Variants in GAD1 observed in about 807,000 individuals in gnomAD.
GAD1 encodes the protein 67 kDa glutamic acid decarboxylase.
GAD1 carries 35 observed loss-of-function variants against 75.2 expected under a neutral mutation model. The ratio of observed to expected loss-of-function variants is 0.47; its 90% CI spans 0.36 to 0.62. The LOEUF (loss-of-function observed/expected upper bound fraction) is 0.62. GAD1 is among the 20% of genes least tolerant of loss of function. The pLI is 0.00. For synonymous variants in GAD1, 257 were observed against 271.9 expected (o/e 0.95, Z 0.54); for missense variants, 490 against 758.5 (o/e 0.65, Z 4.16).
intron 3 of GAD1, among the ~76,000 whole-genome samples, chr2:170,823,798 C>T (rs1240150597): frequency 6.6e-6 from 1 of 151,578 alleles, no homozygotes; most frequent in Non-Finnish European, 1.5e-5. Context: ...CCCTGGGCAG[C>T]CGAGGACAGG....
intron 6 of GAD1, among the ~76,000 whole-genome samples, chr2:170,837,909 G>A (rs894664086): frequency 1.3e-5 from 2 of 152,170 alleles, no homozygotes; most frequent in African/African-American, 4.8e-5. Flanking sequence ...GTAAATTACT[G>A]AAGTTTAAGG....
intron 7 of GAD1, among the ~76,000 whole-genome samples, chr2:170,844,838 A>T: frequency 6.6e-6 from 1 of 152,246 alleles, no homozygotes; most frequent in East Asian, 1.9e-4. Flanking sequence ...GCAGTTATCT[A>T]GGTAATTCAA....
At chr2:170,855,705 T>C (rs906966612) in intron 14 of GAD1, among the ~76,000 whole-genome samples, 1 of 151,402 alleles carries the variant, frequency 6.6e-6, no homozygotes, top group African/African-American at 2.4e-5. Flanking sequence ...TAAGACCCCA[T>C]CTCTACAAAA....
At chr2:170,817,225 AC>A (rs3049870) in intron 1 of GAD1, 177 bp downstream of exon 1, 5,206 of 15,512 alleles carry the variant, frequency 0.34, 979 homozygotes, top group East Asian at 0.53. Context: ...CTGCGCAGGG[AC>A]CCCCCCCCCC....
intron 13 of GAD1, 37 bp downstream of exon 13, chr2:170,852,829 C>G (rs761101582): frequency 3.2e-6 from 5 of 1,578,962 alleles, no homozygotes; most frequent in Non-Finnish European, 4.4e-6. Flanking sequence ...GGGGCCCGTA[C>G]GTTCTTTAGA....
intron 14 of GAD1, 74 bp from the exon 15 acceptor site, chr2:170,856,943 AG>A (rs1432231536): frequency 1.2e-5 from 13 of 1,128,404 alleles, no homozygotes; most frequent in Non-Finnish European, 1.6e-5. Context: ...TCCCATAGAC[AG>A]GGACAGCATA....
chr2:170,831,104 C>A lies in GAD1; in HGVS notation c.459C>A (p.Gly153=). 1 of 1,614,204 alleles carries A rather than the reference C, an allele frequency of 6.2e-7. No individual in the cohort carries two copies. The highest frequency in any genetic ancestry group is 8.5e-7 in the Non-Finnish European group (1 of 1,180,034). The change falls in exon 5 of 17, where the codon GGC becomes GGA. Residue 153 remains glycine (G), a synonymous_variant. Transcript: ENST00000358196. ...ACCAGTTGCTGGAAGGCATGGAGGG[C>A]TTCAACTTGGAGCTCTCTGACCACC... ...HPHQLLEGME[G]FNLELSDHPE... is the part of the protein sequence containing the mutation.
chr2:170,831,274 G>A, intron 5 of GAD1, 82 bp downstream of exon 5: 1 of 1,489,352 alleles, frequency 6.7e-7, no homozygotes, highest in East Asian at 2.3e-5. Context: ...TATCAAACTT[G>A]TGTTGGAAGA....
chr2:170,844,414 T>C (rs935540969), intron 7 of GAD1, among the ~76,000 whole-genome samples: 7 of 148,134 alleles, frequency 4.7e-5, no homozygotes, highest in African/African-American at 1.2e-4. Context: ...TTTCTTTTTT[T>C]TTTTTTTTTT....
intron 11 of GAD1, chr2:170,849,063 A>G (rs1702697164): frequency 3.3e-6 from 2 of 611,588 alleles, no homozygotes; most frequent in Non-Finnish European, 6.0e-6. Context: ...GCCTAGCTGT[A>G]TCACTTGTGC....
chr2:170,852,108 T>G (rs1215459868), intron 12 of GAD1, among the ~76,000 whole-genome samples: 1 of 152,180 alleles, frequency 6.6e-6, no homozygotes, highest in Non-Finnish European at 1.5e-5. Flanking sequence ...GCCCTGGACT[T>G]GAATCCAGGC....
At chr2:170,854,167 G>A in intron 14 of GAD1, 145 bp downstream of exon 14, 1 of 864,700 alleles carries the variant, frequency 1.2e-6, no homozygotes, top group Non-Finnish European at 1.8e-6. Flanking sequence ...TTTTCTTTGT[G>A]AATGAAATTA....
upstream of GAD1, chr2:170,816,677 T>C (rs1701704736): frequency 6.6e-6 from 1 of 152,296 alleles, no homozygotes; most frequent in South Asian, 2.1e-4. Flanking sequence ...ACCTTTTTTT[T>C]TTCCTTCCGG....
intron 12 of GAD1, among the ~76,000 whole-genome samples, chr2:170,849,591 C>G (rs1702707545): frequency 6.6e-6 from 1 of 152,192 alleles, no homozygotes; most frequent in Admixed American, 6.5e-5. Context: ...GCTCACGCCT[C>G]TAATCCCAAA....
At chr2:170,852,820 G>A in intron 13 of GAD1, 28 bp downstream of exon 13, 1 of 1,592,932 alleles carries the variant, frequency 6.3e-7, no homozygotes, top group Non-Finnish European at 8.6e-7. Flanking sequence ...AGCTACACTG[G>A]GGCCCGTACG....
intron 15 of GAD1, 119 bp from the exon 16 acceptor site, chr2:170,858,685 G>A: frequency 1.2e-6 from 1 of 840,280 alleles, no homozygotes; most frequent in Non-Finnish European, 2.0e-6. Context: ...CCTTTGAGAT[G>A]AACATTCAAC....
intron 6 of GAD1, among the ~76,000 whole-genome samples, chr2:170,842,150 C>A (rs1297118189): frequency 6.6e-6 from 1 of 152,110 alleles, no homozygotes; most frequent in African/African-American, 2.4e-5. Context: ...TTCATGCAAA[C>A]CTTGGGCCTA....
At chr2:170,830,306 C>G (rs1253835739) in intron 4 of GAD1, among the ~76,000 whole-genome samples, 2 of 152,222 alleles carry the variant, frequency 1.3e-5, no homozygotes, top group Non-Finnish European at 2.9e-5. Context: ...GAATTGGGCC[C>G]CTACAGCTTT....
intron 2 of GAD1, among the ~76,000 whole-genome samples, chr2:170,819,869 C>T (rs928091708): frequency 6.6e-6 from 1 of 152,104 alleles, no homozygotes; most frequent in African/African-American, 2.4e-5. Context: ...CCGGAAAGCC[C>T]CTTTAGACGC....
Sources: allele counts gnomAD v4.1 joint callset (sites outside exome capture counted in the v4.1 genomes callset), GRCh38; gene constraint gnomAD v4.1.1; transcripts MANE v1.5; gene names NCBI Gene and HGNC (gene_info 2026-07-23, HGNC 2026-07-21).